CDH4: variants seen among roughly 807,000 people sequenced by gnomAD.
The protein encoded by CDH4 is cadherin-4.
Under a neutral mutation model 86.0 loss-of-function variants are expected in CDH4, and 33 were observed. The ratio of observed to expected loss-of-function variants is 0.38; its 90% CI spans 0.29 to 0.51. The LOEUF (loss-of-function observed/expected upper bound fraction) is 0.51, where lower values mean the gene tolerates loss of function less well. Among genes scored for constraint, CDH4 ranks in the 20% least tolerant of loss-of-function variants. The probability of loss-of-function intolerance (pLI) is 0.86; values close to 1 mark genes in which losing one functional copy is unlikely to be tolerated. For missense variants in CDH4, 1,114 were observed against 1,307.4 expected, an observed-to-expected ratio of 0.85 and a Z score of 2.28; for synonymous variants, 555 against 549.4, an observed-to-expected ratio of 1.01 and a Z score of -0.14.
At chr20:61,492,273 G>T (rs2085631788) in intron 2 of CDH4, among the ~76,000 whole-genome samples, 1 of 151,942 alleles carries the variant, frequency 6.6e-6, no homozygotes, top group African/African-American at 2.4e-5. Flanking sequence ...TGTCAGTATT[G>T]TTGATGTTGG....
intron 4 of CDH4, among the ~76,000 whole-genome samples, chr20:61,788,316 A>G (rs1195695540): frequency 6.6e-6 from 1 of 152,152 alleles, no homozygotes; most frequent in East Asian, 1.9e-4. Context: ...GCAGCCAGAA[A>G]AAGAAACAGC....
intron 2 of CDH4, among the ~76,000 whole-genome samples, chr20:61,304,747 A>C (rs1429443858): frequency 6.6e-6 from 1 of 150,780 alleles, no homozygotes; most frequent in Non-Finnish European, 1.5e-5. Context: ...TGTGTTTTGC[A>C]TGCAGTGTGC....
At chr20:61,617,950 G>A (rs966715236) in intron 2 of CDH4, among the ~76,000 whole-genome samples, 3 of 152,182 alleles carry the variant, frequency 2.0e-5, no homozygotes, top group African/African-American at 7.2e-5. Flanking sequence ...CATGAGATCT[G>A]ATGGTTTTGG....
chr20:61,565,299 C>T (rs6121436), intron 2 of CDH4, among the ~76,000 whole-genome samples: 2,293 of 9,576 alleles, frequency 0.24, 396 homozygotes, highest in Middle Eastern at 0.5. Context: ...ATGGTGGTGG[C>T]GGTGCTCTTG....
intron 2 of CDH4, among the ~76,000 whole-genome samples, chr20:61,489,757 A>T (rs2085615880): frequency 6.6e-6 from 1 of 152,242 alleles, no homozygotes; most frequent in African/African-American, 2.4e-5. Flanking sequence ...AGGTTAAGAT[A>T]CTGATGCACA....
chr20:61,445,391 C>T (rs960904825), intron 2 of CDH4, among the ~76,000 whole-genome samples: 1 of 152,206 alleles, frequency 6.6e-6, no homozygotes, highest in African/African-American at 2.4e-5. Context: ...CCAGGTCTCT[C>T]CTTCAAAGTG....
At chr20:61,274,560 A>T (rs1208611316) in intron 2 of CDH4, among the ~76,000 whole-genome samples, 3 of 144,358 alleles carry the variant, frequency 2.1e-5, no homozygotes, top group African/African-American at 8.0e-5. Flanking sequence ...AACTTGGGGG[A>T]GTACCGTGCA....
In CDH4 at chr20:61,510,797, G is replaced by C. The variant is rs552912129; in HGVS notation, c.170-232766G>C. On this transcript the variant is annotated intron_variant, in intron 2 of 15. Coordinates refer to ENST00000614565, the MANE Select transcript of CDH4 (RefSeq NM_001794.5). The surrounding 1 kb of genome is among the most constrained non-coding windows in gnomAD (Gnocchi z 4.2). Reference sequence around the variant, plus strand: ...GACTGGGTAATTTATAAAAGAAAGAGGTTTAATTGGCTCAAGGTTCTGCAG... The same window carrying C: ...GACTGGGTAATTTATAAAAGAAAGACGTTTAATTGGCTCAAGGTTCTGCAG... Among the ~76,000 whole-genome samples, 40 of 152,184 alleles carry C rather than the reference G, an allele frequency of 2.6e-4. No individual in the cohort carries two copies. Among genetic ancestry groups the C allele is most frequent in the African/African-American group, 9.6e-4 (40 of 41,508 alleles).
In CDH4 at chr20:61,480,624, T is replaced by A. The variant is rs1289890563; in HGVS notation, c.169+225687T>A. ...GACACAGGGGAAGGAGGTGTGGAGG[T>A]GTGGGGAGGGCGGGGCTGAGCCAGG... is the stretch of plus-strand genomic sequence containing the variant. On this transcript the variant is annotated intron_variant, in intron 2 of 15. Transcript: ENST00000614565. The surrounding 1 kb of genome is among the most constrained non-coding windows in gnomAD (Gnocchi z 5.2). Among the ~76,000 whole-genome samples, 2 of 151,782 alleles carry A rather than the reference T, an allele frequency of 1.3e-5. No individual in the cohort carries two copies. Among genetic ancestry groups the A allele is most frequent in the Non-Finnish European group, 2.9e-5 (2 of 67,946 alleles).
At chr20:61,534,048 A>G (rs1445065915) in intron 2 of CDH4, among the ~76,000 whole-genome samples, 1 of 152,236 alleles carries the variant, frequency 6.6e-6, no homozygotes, top group Non-Finnish European at 1.5e-5. Flanking sequence ...ATATTCGGCA[A>G]TAGGCAGGCA....
chr20:61,653,126 G>C lies in CDH4; in HGVS notation c.170-90437G>C, dbSNP rs867914431. ...GTCCCTGGGTACTTGAGATTAGGGA[G>C]TGGTGATGACTCTTAACGAGCATAC... On this transcript the variant is annotated intron_variant, in intron 2 of 15. Transcript: ENST00000614565. Among the ~76,000 whole-genome samples the C allele has an allele frequency of 6.2e-3, 779 of 125,906 alleles. 10 individuals carry two copies. Among genetic ancestry groups the C allele is most frequent in the African/African-American group, 0.019 (699 of 36,086 alleles). 82.6% of individuals were successfully genotyped at this position (125,906 alleles called of 152,430 possible). A position where few individuals can be genotyped will look rare whatever the true frequency, so the allele number is the denominator to read the frequency against.
chr20:61,937,082 G>A lies in CDH4; in HGVS notation c.*139G>A. The A allele has an allele frequency of 1.5e-6, 1 of 653,700 alleles. No homozygotes were observed. Among genetic ancestry groups the A allele is most frequent in the Non-Finnish European group, 2.4e-6 (1 of 417,548 alleles). The allele number at this position is 653,700 out of a possible 1,614,324, so 40.5% of individuals were successfully genotyped here. On this transcript the variant is annotated 3_prime_UTR_variant, in exon 16 of 16. Transcript: ENST00000614565. Reference sequence around the variant, plus strand: ...TAGGAGGCCCCCCAATCCCCACGTTGAGCTGTCTAGCATGAGCACCCACCC... The same window carrying A: ...TAGGAGGCCCCCCAATCCCCACGTTAAGCTGTCTAGCATGAGCACCCACCC...
chr20:61,635,464 G>A (rs1489856631), intron 2 of CDH4, among the ~76,000 whole-genome samples: 1 of 152,238 alleles, frequency 6.6e-6, no homozygotes, highest in African/African-American at 2.4e-5. Context: ...GGCTGGCAGA[G>A]GGAGGGCCTT....
At chr20:61,785,158 T>C (rs558721408) in intron 4 of CDH4, among the ~76,000 whole-genome samples, 1 of 152,282 alleles carries the variant, frequency 6.6e-6, no homozygotes, top group African/African-American at 2.4e-5. Flanking sequence ...CTCCGATGGC[T>C]TCTCTGCCAC....
intron 9 of CDH4, among the ~76,000 whole-genome samples, chr20:61,917,808 T>C (rs2054921908): frequency 1.3e-5 from 2 of 152,278 alleles, no homozygotes; most frequent in Non-Finnish European, 1.5e-5. Flanking sequence ...AAATTACCTA[T>C]TGATTTCTCC....
At chr20:61,538,076 C>A (rs1461430942) in intron 2 of CDH4, among the ~76,000 whole-genome samples, 3 of 152,070 alleles carry the variant, frequency 2.0e-5, no homozygotes, top group Non-Finnish European at 4.4e-5. Context: ...AGGCCCCCGG[C>A]CTGTGAGGAG....
chr20:61,265,422 T>C (rs1334008734), intron 2 of CDH4, among the ~76,000 whole-genome samples: 1 of 152,174 alleles, frequency 6.6e-6, no homozygotes, highest in Admixed American at 6.5e-5. Context: ...TCTCATTGGC[T>C]CCTTCATTCA....
chr20:61,789,131 A>T (rs78304740), intron 4 of CDH4, among the ~76,000 whole-genome samples: 8,264 of 152,158 alleles, frequency 0.054, 713 homozygotes, highest in African/African-American at 0.19. Flanking sequence ...CCTGGTACCA[A>T]CCCGGGGAAA....
intron 13 of CDH4, among the ~76,000 whole-genome samples, chr20:61,932,684 A>T (rs2055127213): frequency 6.6e-6 from 1 of 152,066 alleles, no homozygotes; most frequent in Non-Finnish European, 1.5e-5. Flanking sequence ...CGCATGAAGC[A>T]CCTACATCCA....
Sources: gnomAD v4.1 joint callset for allele counts (sites outside exome capture counted in the v4.1 genomes callset) on GRCh38, gnomAD v4.1.1 for gene constraint, Gnocchi (gnomAD v3.1) non-coding constraint, MANE v1.5 for transcripts, NCBI Gene and HGNC (gene_info 2026-07-23, HGNC 2026-07-21) for gene names.